Variants in SLC44A3 observed in about 807,000 individuals in gnomAD.
SLC44A3 encodes choline transporter-like protein 3.
SLC44A3 carries 74 observed loss-of-function variants against 75.4 expected under a neutral mutation model. The ratio of observed to expected loss-of-function variants is 0.98; its 90% CI spans 0.81 to 1.19. SLC44A3 has a LOEUF of 1.19. Among genes scored for constraint, SLC44A3 ranks in the 50% most tolerant of loss-of-function variants. The pLI is 0.00. For synonymous variants in SLC44A3, 310 were observed against 296.9 expected (o/e 1.04, Z -0.45); for missense variants, 700 against 778.6 (o/e 0.90, Z 1.20).
At chr1:94,872,677 G>T (rs938606301) in intron 12 of SLC44A3, among the ~76,000 whole-genome samples, 1 of 152,184 alleles carries the variant, frequency 6.6e-6, no homozygotes, top group Non-Finnish European at 1.5e-5. Context: ...ATATGAAAGG[G>T]TTAGATTCAG....
At chr1:94,834,578 G>A (rs982143556) in intron 5 of SLC44A3, among the ~76,000 whole-genome samples, 2 of 151,904 alleles carry the variant, frequency 1.3e-5, no homozygotes, top group Non-Finnish European at 2.9e-5. Context: ...TGTGCCTCCC[G>A]GGTTCAAGCA....
intron 14 of SLC44A3, 130 bp downstream of exon 14, chr1:94,892,647 C>G: frequency 1.1e-6 from 1 of 889,478 alleles, no homozygotes; most frequent in Non-Finnish European, 1.8e-6. Context: ...TTCTACTACC[C>G]CCGGGCCTGA....
intron 9 of SLC44A3, among the ~76,000 whole-genome samples, chr1:94,850,507 A>G (rs1439770206): frequency 6.6e-6 from 1 of 152,210 alleles, no homozygotes; most frequent in African/African-American, 2.4e-5. Context: ...ATTTAATCAC[A>G]GGACTGCACA....
intron 6 of SLC44A3, among the ~76,000 whole-genome samples, chr1:94,838,549 G>A (rs896708312): frequency 6.6e-5 from 10 of 152,162 alleles, no homozygotes; most frequent in South Asian, 2.1e-4. Context: ...TTGTCTCCTC[G>A]CTTTCCAGTG....
intron 9 of SLC44A3, among the ~76,000 whole-genome samples, chr1:94,849,044 C>A (rs967382887): frequency 1.4e-5 from 2 of 144,680 alleles, no homozygotes; most frequent in Non-Finnish European, 1.5e-5. Flanking sequence ...GAACTGCCAG[C>A]CTGTGCCCCT....
At position 94,887,252 on chromosome 1, in the gene SLC44A3, A is replaced by G. The variant is rs545671143; in HGVS notation, c.1483-3878A>G. On this transcript the variant is annotated intron_variant, in intron 12 of 14. Transcript: ENST00000271227. The stretch of plus-strand genomic sequence containing the variant: ...TCCAGCTGCCTGACAAGCAGCTTCT[A>G]CTCAGAATAAGTATAAATTAGCTAA... Among the ~76,000 whole-genome samples, 297 of 152,248 alleles carry G rather than the reference A, an allele frequency of 2.0e-3. 2 individuals are homozygous for G. Among genetic ancestry groups the G allele is most frequent in the Admixed American group, 5.6e-3 (86 of 15,296 alleles).
At chr1:94,883,101 G>T (rs1204954957) in intron 12 of SLC44A3, among the ~76,000 whole-genome samples, 3 of 151,586 alleles carry the variant, frequency 2.0e-5, no homozygotes, top group Non-Finnish European at 4.4e-5. Flanking sequence ...CCGCATCTGT[G>T]AGTGGAGGAA....
intron 5 of SLC44A3, among the ~76,000 whole-genome samples, chr1:94,835,146 A>G (rs1012280956): frequency 6.6e-6 from 1 of 152,202 alleles, no homozygotes; most frequent in African/African-American, 2.4e-5. Flanking sequence ...AGAAACATGG[A>G]AAAACTAAGA....
At chr1:94,845,042 T>C (rs1221794713) in intron 8 of SLC44A3, among the ~76,000 whole-genome samples, 3 of 152,208 alleles carry the variant, frequency 2.0e-5, no homozygotes, top group African/African-American at 7.2e-5. Context: ...AGGCCCTTTA[T>C]GGAGGGACTG....
At chr1:94,858,314 A>C (rs139584176) in intron 10 of SLC44A3, among the ~76,000 whole-genome samples, 2 of 152,328 alleles carry the variant, frequency 1.3e-5, no homozygotes, top group African/African-American at 4.8e-5. Flanking sequence ...TAATTACAAA[A>C]TATAATTTAT....
chr1:94,857,569 CA>C (rs1453945997), intron 10 of SLC44A3, 69 bp downstream of exon 10: 1 of 1,405,538 alleles, frequency 7.1e-7, no homozygotes, highest in Non-Finnish European at 9.5e-7. Context: ...GTTAATATCT[CA>C]AAAGATATTT....
chr1:94,822,693 G>A (rs1660777025), intron 2 of SLC44A3, among the ~76,000 whole-genome samples: 1 of 152,114 alleles, frequency 6.6e-6, no homozygotes. Context: ...TCAAAGTCTG[G>A]ACTATCTCTG....
chr1:94,893,258 T>G (rs1670418203), intron 14 of SLC44A3, among the ~76,000 whole-genome samples: 1 of 152,250 alleles, frequency 6.6e-6, no homozygotes, highest in Non-Finnish European at 1.5e-5. Flanking sequence ...AAAGCCCTTT[T>G]AGCTTTAAAC....
intron 9 of SLC44A3, among the ~76,000 whole-genome samples, chr1:94,848,186 A>G (rs965236098): frequency 2.7e-5 from 4 of 149,634 alleles, no homozygotes; most frequent in Non-Finnish European, 4.4e-5. Flanking sequence ...CTGAGACCAC[A>G]CCACTGCACT....
Position 94,839,889 on chromosome 1 carries a change from C to G in SLC44A3, c.671-59C>G, listed in dbSNP as rs1476857103. The G allele has an allele frequency of 7.2e-6, 9 of 1,241,402 alleles. No individual in the cohort carries two copies. In the African/African-American group the frequency reaches 1.3e-4, roughly 18 times the overall value. The allele number at this position is 1,241,402 out of a possible 1,614,324, so 76.9% of individuals were successfully genotyped here. On this transcript the variant is annotated intron_variant, in intron 6 of 14. Transcript: ENST00000271227. ...GAGGGTTTTGTCATCGCAGTACTAC[C>G]ATCATCTCCCCTATCCTTTGTTGCT...
At chr1:94,848,879 C>G (rs1234286631) in intron 9 of SLC44A3, among the ~76,000 whole-genome samples, 1 of 152,038 alleles carries the variant, frequency 6.6e-6, no homozygotes, top group Non-Finnish European at 1.5e-5. Flanking sequence ...AGAGGGCAGG[C>G]TGGAAATCGC....
intron 12 of SLC44A3, among the ~76,000 whole-genome samples, chr1:94,883,826 C>G (rs568749054): frequency 1.3e-4 from 20 of 152,278 alleles, no homozygotes; most frequent in African/African-American, 4.6e-4. Flanking sequence ...TTGTTGAAGT[C>G]AAATGAGCAT....
In SLC44A3 at chr1:94,837,747, A is replaced by G. The variant is rs1188066622; in HGVS notation, c.546A>G (p.Gln182=). 1 of 1,599,680 alleles carries G rather than the reference A, an allele frequency of 6.3e-7. No individual in the cohort carries two copies. The highest frequency in any genetic ancestry group is 8.5e-7 in the Non-Finnish European group (1 of 1,174,968). The stretch of plus-strand genomic sequence containing the variant: ...CCTTATTTAACCGATGTGTCCCTCA[A>G]ACACCTGAGTGCTACTCCCTATTTG... The part of the protein sequence containing the change: ...SFPLFNRCVP[Q]TPECYSLFAS... Residue 182 remains glutamine (Q), a synonymous_variant, in exon 6 of 15, where the codon CAA becomes CAG. Transcript: ENST00000271227.
At chr1:94,829,517 C>T (rs976339700) in intron 5 of SLC44A3, among the ~76,000 whole-genome samples, 1 of 152,136 alleles carries the variant, frequency 6.6e-6, no homozygotes, top group Non-Finnish European at 1.5e-5. Context: ...ACATGGTAGG[C>T]ACCTTACAAA....
Sources: allele counts gnomAD v4.1 joint callset (sites outside exome capture counted in the v4.1 genomes callset), GRCh38; gene constraint gnomAD v4.1.1; transcripts MANE v1.5; gene names NCBI Gene and HGNC (gene_info 2026-07-23, HGNC 2026-07-21).